The following PPP4R4 variants were observed in gnomAD, a reference collection of about 807,000 sequenced individuals.
The protein encoded by PPP4R4 is protein phosphatase 4 regulatory subunit 4.
In PPP4R4, 70 loss-of-function variants were observed where a neutral mutation model predicts 121.8. That is an observed-to-expected ratio of 0.57 (90% confidence interval 0.47 to 0.70). PPP4R4 has a LOEUF of 0.70. PPP4R4 is among the 30% of genes least tolerant of loss of function. The pLI is 0.00. For synonymous variants in PPP4R4, 348 were observed against 355.7 expected, an observed-to-expected ratio of 0.98 and a Z score of 0.24; for missense variants, 875 against 1,033.6, an observed-to-expected ratio of 0.85 and a Z score of 2.10.
In PPP4R4 at chr14:94,258,765, T is replaced by A; in HGVS notation, c.2011-18T>A. Reference sequence around the variant, plus strand: ...TAATTTAATTACTTTAGAATAATTTTAAAAACTTTCCTTATAGACTGTATT... The same window carrying A: ...TAATTTAATTACTTTAGAATAATTTAAAAAACTTTCCTTATAGACTGTATT... On this transcript the variant is annotated intron_variant, in intron 17 of 24. Transcript: ENST00000304338. The A allele has an allele frequency of 4.6e-6, 7 of 1,534,540 alleles. No homozygotes were observed. Among genetic ancestry groups the A allele is most frequent in the Non-Finnish European group, 6.3e-6 (7 of 1,113,244 alleles).
At chr14:94,264,379 T>C (rs988289931) in intron 19 of PPP4R4, among the ~76,000 whole-genome samples, 3 of 152,166 alleles carry the variant, frequency 2.0e-5, no homozygotes, top group African/African-American at 7.2e-5. Context: ...CTCAAACTCC[T>C]GATCTCAGAT....
chr14:94,233,065 A>T (rs897015634), intron 5 of PPP4R4, among the ~76,000 whole-genome samples: 2 of 152,044 alleles, frequency 1.3e-5, no homozygotes, highest in African/African-American at 4.8e-5. Flanking sequence ...CTCAAAAAAA[A>T]AAAAAGAGAA....
intron 17 of PPP4R4, 115 bp downstream of exon 17, chr14:94,256,719 T>A: frequency 9.0e-7 from 1 of 1,115,940 alleles, no homozygotes; most frequent in Non-Finnish European, 1.2e-6. Context: ...TTATCCTTGC[T>A]AAAATTGTAA....
At chr14:94,206,505 TA>T (rs1890468778) in intron 2 of PPP4R4, among the ~76,000 whole-genome samples, 1 of 152,054 alleles carries the variant, frequency 6.6e-6, no homozygotes, top group Non-Finnish European at 1.5e-5. Context: ...TTTTATTTTT[TA>T]TTTGTTCTTT....
intron 2 of PPP4R4, among the ~76,000 whole-genome samples, chr14:94,188,564 A>AAT (rs915635829): frequency 1.1e-4 from 16 of 151,570 alleles, no homozygotes; most frequent in African/African-American, 1.4e-4. Context: ...TATCTTGCCT[A>AAT]ATATATATAT....
At chr14:94,183,900 A>G (rs1164286393) in intron 2 of PPP4R4, among the ~76,000 whole-genome samples, 1 of 151,878 alleles carries the variant, frequency 6.6e-6, no homozygotes, top group Non-Finnish European at 1.5e-5. Context: ...AAAATAAGAT[A>G]ATATATAAAG....
intron 3 of PPP4R4, chr14:94,227,340 G>T: frequency 2.5e-6 from 4 of 1,612,506 alleles, no homozygotes; most frequent in Non-Finnish European, 3.4e-6. Context: ...ACATATGTTT[G>T]TCCAGAGGGT....
At chr14:94,190,096 C>A (rs1166131474) in intron 2 of PPP4R4, among the ~76,000 whole-genome samples, 3 of 147,822 alleles carry the variant, frequency 2.0e-5, no homozygotes, top group Non-Finnish European at 4.5e-5. Flanking sequence ...CCCAGCTGGT[C>A]TCAAACTCCT....
chr14:94,227,191 A>G (rs1891761257), intron 3 of PPP4R4: 1 of 943,622 alleles, frequency 1.1e-6, no homozygotes, highest in Non-Finnish European at 1.6e-6. Context: ...TCAAGTTGGG[A>G]TGCCAGCCGT....
chr14:94,265,990 GT>G (rs1162283156), intron 22 of PPP4R4, 103 bp downstream of exon 22: 6 of 843,486 alleles, frequency 7.1e-6, no homozygotes, highest in African/African-American at 1.8e-5. Flanking sequence ...TAATTTTGAG[GT>G]TTTTTTATAG....
rs980019760 is a variant in PPP4R4, at chr14:94,177,855, C to T, written c.191+1728C>T. Among the ~76,000 whole-genome samples, 5 of 152,214 alleles carry T rather than the reference C, an allele frequency of 3.3e-5. No individual in the cohort carries two copies. The South Asian group carries it at 8.3e-4, about 25-fold the overall frequency. Reference sequence around the variant, plus strand: ...AAGCCCTTAAAGAGACAGATGGGCCCTCTCATTCTTGGACAAGAGAATTTT... The same window carrying T: ...AAGCCCTTAAAGAGACAGATGGGCCTTCTCATTCTTGGACAAGAGAATTTT... On this transcript the variant is annotated intron_variant, in intron 2 of 24. Transcript: ENST00000304338.
At chr14:94,203,011 A>G (rs933456737) in intron 2 of PPP4R4, among the ~76,000 whole-genome samples, 26 of 152,124 alleles carry the variant, frequency 1.7e-4, no homozygotes, top group African/African-American at 6.3e-4. Flanking sequence ...TTATTTTGAG[A>G]AAACTATAGA....
chr14:94,265,056 C>G, intron 20 of PPP4R4, 109 bp downstream of exon 20: 1 of 1,018,960 alleles, frequency 9.8e-7, no homozygotes. Flanking sequence ...AATTGCTTTA[C>G]TTTCTTTCAT....
chr14:94,210,912 G>T (rs1468349006), intron 3 of PPP4R4, among the ~76,000 whole-genome samples: 1 of 152,096 alleles, frequency 6.6e-6, no homozygotes, highest in African/African-American at 2.4e-5. Flanking sequence ...ATTGTATTCA[G>T]ATTTTGTTAT....
chr14:94,242,468 G>C (rs1892685718), intron 11 of PPP4R4, 60 bp downstream of exon 11: 2 of 1,495,506 alleles, frequency 1.3e-6, no homozygotes. Context: ...ATGTATACTA[G>C]ATGATTTTGT....
At chr14:94,239,285 G>T (rs917820030) in intron 8 of PPP4R4, among the ~76,000 whole-genome samples, 3 of 150,466 alleles carry the variant, frequency 2.0e-5, no homozygotes, top group African/African-American at 7.4e-5. Flanking sequence ...TGCCATGTTG[G>T]TGTGCTGCAC....
rs1328485545 is a variant in PPP4R4, at chr14:94,233,671, T to C, written c.535T>C (p.Ser179Pro). Residue 179 changes from serine to proline, a missense_variant, in exon 6 of 25, where the codon TCC becomes CCC. Coordinates refer to ENST00000304338, the MANE Select transcript of PPP4R4 (RefSeq NM_058237.2). ...LRHEILNPLV[S>P]KAQLSQTVQS... ...TCTTTAGATTTTGAATCCACTTGTT[T>C]CCAAGGCACAACTTTCCCAAACAGT... The C allele has an allele frequency of 6.3e-7, 1 of 1,593,382 alleles. No homozygotes were observed. The highest frequency in any genetic ancestry group is 8.6e-7 in the Non-Finnish European group (1 of 1,168,940).
At chr14:94,229,244 G>A (rs2139524382) in intron 3 of PPP4R4, among the ~76,000 whole-genome samples, 1 of 152,212 alleles carries the variant, frequency 6.6e-6, no homozygotes, top group Admixed American at 6.5e-5. Context: ...ATGGTGACTT[G>A]GACTAGGGTG....
intron 23 of PPP4R4, among the ~76,000 whole-genome samples, chr14:94,274,830 T>C (rs1894546393): frequency 6.6e-6 from 1 of 152,228 alleles, no homozygotes; most frequent in South Asian, 2.1e-4. Context: ...CACACAGACT[T>C]GTACGTGAGT....
Sources: allele counts gnomAD v4.1 joint callset (sites outside exome capture counted in the v4.1 genomes callset), GRCh38; gene constraint gnomAD v4.1.1; transcripts MANE v1.5; gene names NCBI Gene and HGNC (gene_info 2026-07-23, HGNC 2026-07-21).